RHOJ: variants seen among roughly 807,000 people sequenced by gnomAD.
RHOJ encodes the protein rho-related GTP-binding protein RhoJ.
A neutral mutation model predicts 23.4 loss-of-function variants in RHOJ; 11 were observed. The ratio of observed to expected loss-of-function variants is 0.47; its 90% confidence interval spans 0.30 to 0.78. The LOEUF is 0.78. Among genes scored for constraint, RHOJ ranks in the 30% least tolerant of loss-of-function variants. The pLI, the probability that RHOJ is intolerant of heterozygous loss-of-function variation, is 0.08. For synonymous variants in RHOJ, 102 were observed against 102.7 expected, an observed-to-expected ratio of 0.99 and a Z score of 0.04; for missense variants, 254 against 273.4, an observed-to-expected ratio of 0.93 and a Z score of 0.50.
At chr14:63,282,285 TGCAC>T (rs935627858) in intron 3 of RHOJ, among the ~76,000 whole-genome samples, 4 of 116,176 alleles carry the variant, frequency 3.4e-5, no homozygotes, top group African/African-American at 1.8e-4. Flanking sequence ...CACAAACACA[TGCAC>T]ACACACACAC....
chr14:63,212,966 C>T (rs1894271508), intron 1 of RHOJ, among the ~76,000 whole-genome samples: 1 of 152,312 alleles, frequency 6.6e-6, no homozygotes, highest in South Asian at 2.1e-4. Context: ...ATCTTTCCAA[C>T]CTGCTCTGTT....
Position 63,205,033 on chromosome 14 carries a change from T to C in RHOJ, c.164T>C (p.Phe55Ser), listed in dbSNP as rs1284008615. ...AFPEEYVPTVFDHYAVTVTVG... is the reference protein window; with the variant it reads ...AFPEEYVPTVSDHYAVTVTVG... ...CCAGAGGAATACGTGCCCACTGTGT[T>C]TGACCACTATGCAGGTAAGAAAAAG... The change falls in exon 1 of 5, where the codon TTT becomes TCT. Residue 55 changes from phenylalanine to serine, a missense_variant. Phe to Ser is a radical substitution (Grantham distance 155, BLOSUM62 -2). Transcript: ENST00000316754. 5 of 1,613,910 alleles carry C rather than the reference T, an allele frequency of 3.1e-6. No individual in the cohort carries two copies. The highest frequency in any genetic ancestry group is 2.5e-6 in the Non-Finnish European group (3 of 1,179,966).
At chr14:63,280,850 G>A (rs1430814511) in intron 2 of RHOJ, 121 bp from the exon 3 acceptor site, 3 of 850,004 alleles carry the variant, frequency 3.5e-6, no homozygotes, top group Non-Finnish European at 5.2e-6. Context: ...CAGATTCCAG[G>A]GTTGAGGAAG....
chr14:63,276,612 G>T (rs1379238346), intron 2 of RHOJ, among the ~76,000 whole-genome samples: 1 of 152,046 alleles, frequency 6.6e-6, no homozygotes, highest in Non-Finnish European at 1.5e-5. Context: ...GGTTTCCACA[G>T]AAGAGAGATC....
chr14:63,257,979 C>T (rs898457340), intron 1 of RHOJ, among the ~76,000 whole-genome samples: 2 of 149,716 alleles, frequency 1.3e-5, no homozygotes, highest in African/African-American at 4.9e-5. Context: ...GTAATCCCAG[C>T]ACTTTGCGAG....
chr14:63,209,259 C>T (rs1468200323), intron 1 of RHOJ, among the ~76,000 whole-genome samples: 2 of 152,164 alleles, frequency 1.3e-5, no homozygotes, highest in Non-Finnish European at 1.5e-5. Context: ...CTGTCCCAAA[C>T]CCCAACTTCT....
intron 1 of RHOJ, among the ~76,000 whole-genome samples, chr14:63,209,330 A>G (rs150986610): frequency 1.3e-5 from 2 of 152,236 alleles, no homozygotes; most frequent in African/African-American, 4.8e-5. Context: ...GATGCACTCC[A>G]TGACTCAGTC....
intron 1 of RHOJ, among the ~76,000 whole-genome samples, chr14:63,209,825 G>C (rs750653008): frequency 4.6e-5 from 7 of 151,708 alleles, no homozygotes; most frequent in Non-Finnish European, 1.0e-4. Flanking sequence ...ATAGATATCT[G>C]TTTAGGAATG....
chr14:63,209,962 C>A (rs1400509464), intron 1 of RHOJ, among the ~76,000 whole-genome samples: 5 of 133,298 alleles, frequency 3.8e-5, no homozygotes, highest in African/African-American at 1.4e-4. Context: ...CCTTTTTTTT[C>A]TTTTTTTTTT....
intron 1 of RHOJ, among the ~76,000 whole-genome samples, chr14:63,245,530 C>T (rs1894961479): frequency 1.3e-5 from 2 of 152,042 alleles, no homozygotes; most frequent in African/African-American, 2.4e-5. Context: ...TGATACATGA[C>T]TGTAATCCTA....
chr14:63,289,622 A>G (rs1882185394), intron 4 of RHOJ, among the ~76,000 whole-genome samples: 1 of 152,226 alleles, frequency 6.6e-6, no homozygotes, highest in Admixed American at 6.5e-5. Context: ...ATAAAACCGC[A>G]GGTCTCCTTC....
chr14:63,275,940 T>C (rs1009937489), intron 2 of RHOJ, among the ~76,000 whole-genome samples: 1 of 152,174 alleles, frequency 6.6e-6, no homozygotes, highest in Non-Finnish European at 1.5e-5. Flanking sequence ...CTTTTATTAA[T>C]CCTGACCCCT....
intron 1 of RHOJ, among the ~76,000 whole-genome samples, chr14:63,256,715 AG>A (rs1895172041): frequency 6.6e-6 from 1 of 152,166 alleles, no homozygotes; most frequent in Non-Finnish European, 1.5e-5. Context: ...CGAGGCAGGC[AG>A]ATCACGAGGT....
chr14:63,261,586 C>A (rs1428004093), intron 1 of RHOJ, among the ~76,000 whole-genome samples: 2 of 150,646 alleles, frequency 1.3e-5, no homozygotes, highest in Non-Finnish European at 2.9e-5. Context: ...TACACACCAC[C>A]ATGCCCAGCT....
At chr14:63,286,534 C>T (rs568993179) in intron 4 of RHOJ, among the ~76,000 whole-genome samples, 6 of 152,302 alleles carry the variant, frequency 3.9e-5, no homozygotes, top group East Asian at 3.9e-4. Context: ...TGGCAACTGA[C>T]GGGCCAAAGT....
intron 1 of RHOJ, among the ~76,000 whole-genome samples, chr14:63,239,087 T>C (rs1039167003): frequency 2.0e-5 from 3 of 151,902 alleles, no homozygotes; most frequent in South Asian, 2.1e-4. Flanking sequence ...TACCAACTCA[T>C]GGTTTTTTTT....
chr14:63,213,211 G>A (rs1894278348), intron 1 of RHOJ, among the ~76,000 whole-genome samples: 1 of 152,162 alleles, frequency 6.6e-6, no homozygotes, highest in Non-Finnish European at 1.5e-5. Flanking sequence ...CTGACATTTA[G>A]GATATGAATG....
chr14:63,291,169 C>A lies in RHOJ; in HGVS notation c.*145C>A. ...TGCCCCATCACCCTCTGAGCCCTCC[C>A]AACACAGCACACTAGTCAGCCCACT... On this transcript the variant is annotated 3_prime_UTR_variant, in exon 5 of 5. Coordinates refer to ENST00000316754, the MANE Select transcript of RHOJ (RefSeq NM_020663.5). 1 of 864,894 alleles carries A rather than the reference C, an allele frequency of 1.2e-6. No homozygotes were observed. Among genetic ancestry groups the A allele is most frequent in the Non-Finnish European group, 1.9e-6 (1 of 532,204 alleles). 53.6% of individuals were successfully genotyped at this position (864,894 alleles called of 1,614,324 possible).
intron 4 of RHOJ, among the ~76,000 whole-genome samples, chr14:63,284,823 T>C (rs569242600): frequency 6.6e-6 from 1 of 152,256 alleles, no homozygotes; most frequent in South Asian, 2.1e-4. Flanking sequence ...TCACTTCTCA[T>C]TGGGGAAGTT....
Sources: gnomAD v4.1 joint callset for allele counts (sites outside exome capture counted in the v4.1 genomes callset) on GRCh38, gnomAD v4.1.1 for gene constraint, MANE v1.5 for transcripts, NCBI Gene and HGNC (gene_info 2026-07-23, HGNC 2026-07-21) for gene names.